MROH9: variants seen among roughly 807,000 people sequenced by gnomAD.
MROH9 encodes the protein maestro heat like repeat family member 9.
In MROH9, 92 loss-of-function variants were observed where a neutral mutation model predicts 98.2. That is an observed-to-expected ratio of 0.94 (90% CI 0.79 to 1.11). MROH9 has a LOEUF of 1.11. Among genes scored for constraint, MROH9 ranks in the 50% most tolerant of loss-of-function variants. The pLI is 0.00. For synonymous variants in MROH9, 397 were observed against 368.9 expected (o/e 1.08, Z -0.87); for missense variants, 1,057 against 1,014.8 (o/e 1.04, Z -0.57).
chr1:171,060,131 C>T (rs1653968263), intron 20 of MROH9, among the ~76,000 whole-genome samples: 1 of 151,902 alleles, frequency 6.6e-6, no homozygotes, highest in Admixed American at 6.6e-5. Context: ...CCAAATACCA[C>T]CTCTTCCCCC....
At chr1:171,031,832 A>G (rs1002023650) in intron 20 of MROH9, among the ~76,000 whole-genome samples, 5 of 152,150 alleles carry the variant, frequency 3.3e-5, no homozygotes, top group African/African-American at 9.7e-5. Flanking sequence ...CTGTCTTGCT[A>G]GGTTGGGAAA....
At chr1:171,045,450 AG>A (rs1356494585) in intron 20 of MROH9, among the ~76,000 whole-genome samples, 1 of 152,092 alleles carries the variant, frequency 6.6e-6, no homozygotes, top group Admixed American at 6.6e-5. Context: ...CTTCTCTCTT[AG>A]TACCGCTTTT....
intron 20 of MROH9, among the ~76,000 whole-genome samples, chr1:171,054,420 T>C (rs545022632): frequency 1.7e-4 from 26 of 152,202 alleles, no homozygotes; most frequent in African/African-American, 5.8e-4. Context: ...CCTGAAACCA[T>C]AAAAATTCCA....
chr1:171,024,586 G>T, intron 18 of MROH9, 39 bp downstream of exon 18: 1 of 1,528,372 alleles, frequency 6.5e-7, no homozygotes, highest in Non-Finnish European at 8.8e-7. Flanking sequence ...ATTTACCAAG[G>T]ATTGTAATGT....
intron 21 of MROH9, among the ~76,000 whole-genome samples, chr1:171,062,436 A>T (rs1654043532): frequency 6.6e-6 from 1 of 152,130 alleles, no homozygotes; most frequent in Non-Finnish European, 1.5e-5. Context: ...CATGTATTCC[A>T]CTAATTGTCT....
At position 171,025,605 on chromosome 1, in the gene MROH9, T is replaced by G. The variant is rs140115196; in HGVS notation, c.2281+185T>G. Among the ~76,000 whole-genome samples, 1,128 of 152,250 alleles carry G rather than the reference T, an allele frequency of 7.4e-3. 11 individuals carry two copies. Among genetic ancestry groups the G allele is most frequent in the African/African-American group, 0.026 (1,080 of 41,512 alleles). ...GTTCTATTTTATAATACACAGAGAA[T>G]ATAGCTGTATGGTTGATTATTATGC... On this transcript the variant is annotated intron_variant, in intron 20 of 21. Transcript: ENST00000367759.
At chr1:171,061,462 G>A (rs1242237287) in intron 20 of MROH9, among the ~76,000 whole-genome samples, 3 of 152,050 alleles carry the variant, frequency 2.0e-5, no homozygotes, top group South Asian at 2.1e-4. Context: ...CAACACAAAC[G>A]CCCATCAACA....
chr1:171,026,299 G>A (rs1348195183), intron 20 of MROH9, among the ~76,000 whole-genome samples: 2 of 149,044 alleles, frequency 1.3e-5, no homozygotes, highest in Non-Finnish European at 3.0e-5. Context: ...TTTTAAGACA[G>A]AATCTTGCTC....
chr1:171,062,797 T>C (rs915647327), intron 21 of MROH9, among the ~76,000 whole-genome samples: 1 of 152,206 alleles, frequency 6.6e-6, no homozygotes, highest in African/African-American at 2.4e-5. Flanking sequence ...TTTTTCTTTC[T>C]TAATAGACTA....
At chr1:171,024,284 A>G in intron 17 of MROH9, 111 bp from the exon 18 acceptor site, 2 of 742,424 alleles carry the variant, frequency 2.7e-6, no homozygotes, top group Non-Finnish European at 4.3e-6. Flanking sequence ...ACATATACAT[A>G]TATAGTATAT....
At position 170,971,910 on chromosome 1, in the gene MROH9, A is replaced by T. The variant is rs74747499; in HGVS notation, c.616+27A>T. 3.7e-3 allele frequency: 5,997 copies of T among 1,604,744 alleles called. 212 individuals carry two copies. In the African/African-American group the frequency reaches 0.069, roughly 18 times the overall value. On this transcript the variant is annotated intron_variant, in intron 8 of 21. Coordinates refer to ENST00000367759, the MANE Select transcript of MROH9 (RefSeq NM_001163629.2). ...TAAGAACAGTTCACCATCTTTTCTC[A>T]GGATTACTAAGAATATGTCCCTCGT...
At chr1:171,038,678 A>G (rs911238962) in intron 20 of MROH9, among the ~76,000 whole-genome samples, 1 of 152,206 alleles carries the variant, frequency 6.6e-6, no homozygotes, top group African/African-American at 2.4e-5. Flanking sequence ...AGTAAAAGAC[A>G]AAAGATGTGC....
chr1:170,966,501 C>T (rs555091560), intron 7 of MROH9, among the ~76,000 whole-genome samples: 1 of 152,206 alleles, frequency 6.6e-6, no homozygotes, highest in Non-Finnish European at 1.5e-5. Context: ...GAGAAACATG[C>T]ATTCATGATG....
intron 3 of MROH9, among the ~76,000 whole-genome samples, chr1:170,948,174 T>C (rs534432341): frequency 1.5e-4 from 23 of 152,154 alleles, no homozygotes; most frequent in African/African-American, 5.5e-4. Flanking sequence ...TTTAAAATTC[T>C]GAACCTCTAA....
At chr1:170,977,858 C>T (rs1380707095) in intron 8 of MROH9, among the ~76,000 whole-genome samples, 1 of 152,174 alleles carries the variant, frequency 6.6e-6, no homozygotes, top group Non-Finnish European at 1.5e-5. Flanking sequence ...TTGCTCAGTG[C>T]AATCAACCCA....
In MROH9 at chr1:170,958,428, T is replaced by TC. The variant is rs1557873502; in HGVS notation, c.73-32dup. 5 of 1,284,426 alleles carry TC rather than the reference T, an allele frequency of 3.9e-6. No homozygotes were observed. The South Asian group carries it at 6.8e-5, about 18-fold the overall frequency. 79.6% of individuals were successfully genotyped at this position (1,284,426 alleles called of 1,614,324 possible). ...TCACTGCTCTGTAATCATTAATTCT[T>TC]CTTTTTTTTTTTTTTTTTAACATGG... is the stretch of plus-strand genomic sequence containing the variant. On this transcript the variant is annotated intron_variant, in intron 3 of 21. Transcript: ENST00000367759.
At chr1:171,035,972 A>G (rs1213021645) in intron 20 of MROH9, among the ~76,000 whole-genome samples, 1 of 152,214 alleles carries the variant, frequency 6.6e-6, no homozygotes, top group African/African-American at 2.4e-5. Context: ...TCAAAGCAGC[A>G]TTACTAGTTA....
chr1:170,997,031 C>T (rs1040262514), intron 14 of MROH9, among the ~76,000 whole-genome samples: 3 of 152,038 alleles, frequency 2.0e-5, no homozygotes, highest in Non-Finnish European at 4.4e-5. Context: ...CTATACTCAA[C>T]AAGCCAAATA....
At chr1:170,958,426 C>CTT in intron 3 of MROH9, 35 bp from the exon 4 acceptor site, 2 of 1,147,080 alleles carry the variant, frequency 1.7e-6, no homozygotes, top group Non-Finnish European at 2.5e-6. Context: ...ATCATTAATT[C>CTT]TTCTTTTTTT....
Sources: allele counts gnomAD v4.1 joint callset (sites outside exome capture counted in the v4.1 genomes callset), GRCh38; gene constraint gnomAD v4.1.1; transcripts MANE v1.5; gene names NCBI Gene and HGNC (gene_info 2026-07-23, HGNC 2026-07-21).